The following PDCD1LG2 variants were observed in gnomAD, a reference collection of about 807,000 sequenced individuals.
The protein encoded by PDCD1LG2 is B7 dendritic cell molecule.
Under a neutral mutation model 28.2 loss-of-function variants are expected in PDCD1LG2, and 32 were observed. The ratio of observed to expected loss-of-function variants is 1.13; its 90% CI spans 0.86 to 1.52. The LOEUF is 1.52. Among genes scored for constraint, PDCD1LG2 ranks in the 40% most tolerant of loss-of-function variants. The pLI is 0.00. For missense variants in PDCD1LG2, 385 were observed against 323.8 expected (o/e 1.19, Z -1.45); for synonymous variants, 116 against 120.2 (o/e 0.97, Z 0.23).
In PDCD1LG2 at chr9:5,571,094, G is replaced by C. The variant is rs912467263; in HGVS notation, c.*1135G>C. The C allele has an allele frequency of 4.3e-6, 1 of 232,424 alleles. No homozygotes were observed. The allele number at this position is 232,424 out of a possible 1,614,324, so 14.4% of individuals were successfully genotyped here. A position where few individuals can be genotyped will look rare whatever the true frequency, so the allele number is the denominator to read the frequency against. Reference sequence around the variant, plus strand: ...TTAGCTAGTATAACAGACTTACATAGGTGGGCCTAAAGCAAGCTCCTTAAC... The same window carrying C: ...TTAGCTAGTATAACAGACTTACATACGTGGGCCTAAAGCAAGCTCCTTAAC... On this transcript the variant is annotated 3_prime_UTR_variant, in exon 7 of 7. Coordinates refer to ENST00000397747, the MANE Select transcript of PDCD1LG2 (RefSeq NM_025239.4).
intron 4 of PDCD1LG2, among the ~76,000 whole-genome samples, chr9:5,552,805 G>A (rs1031969990): frequency 2.0e-5 from 3 of 152,118 alleles, no homozygotes; most frequent in African/African-American, 7.2e-5. Context: ...TAGATGCACT[G>A]TCATCTCTCC....
In PDCD1LG2 at chr9:5,570,914, G is replaced by C; in HGVS notation, c.*955G>C. ...AAGTAGTCAAGGCCTTTGATAATTG[G>C]CACTATGGAAATCCTGCAAGATCCC... On this transcript the variant is annotated 3_prime_UTR_variant, in exon 7 of 7. Transcript: ENST00000397747. 1 of 232,700 alleles carries C rather than the reference G, an allele frequency of 4.3e-6. No homozygotes were observed. Among genetic ancestry groups the C allele is most frequent in the Non-Finnish European group, 8.5e-6 (1 of 117,720 alleles). 14.4% of individuals were successfully genotyped at this position (232,700 alleles called of 1,614,324 possible).
chr9:5,534,349 G>A (rs1334559009), intron 2 of PDCD1LG2, among the ~76,000 whole-genome samples: 1 of 152,184 alleles, frequency 6.6e-6, no homozygotes, highest in Admixed American at 6.5e-5. Flanking sequence ...TGATGGTAGG[G>A]AAGTCGAAAG....
At chr9:5,550,154 AT>A (rs1372830915) in intron 4 of PDCD1LG2, among the ~76,000 whole-genome samples, 1 of 152,208 alleles carries the variant, frequency 6.6e-6, no homozygotes, top group African/African-American at 2.4e-5. Flanking sequence ...CAGGATGAAT[AT>A]TCCTTTGCTG....
intron 2 of PDCD1LG2, 133 bp from the exon 3 acceptor site, chr9:5,534,612 C>G: frequency 1.3e-6 from 1 of 740,864 alleles, no homozygotes; most frequent in African/African-American, 1.8e-5. Flanking sequence ...AAAAAGGATT[C>G]GCCACGGGAA....
chr9:5,521,055 T>C lies in PDCD1LG2; in HGVS notation c.-14-1478T>C, dbSNP rs190431121. 4.3e-4 allele frequency among the ~76,000 whole-genome samples: 65 copies of C among 152,320 alleles called. 1 individual carries two copies. Among genetic ancestry groups the C allele is most frequent in the South Asian group, 8.3e-4 (4 of 4,828 alleles). ...CACAAAAAGGAACGCAGTGCTGATA[T>C]ATGCTACAATACAGATGAACCTTGA... On this transcript the variant is annotated intron_variant, in intron 1 of 6. Transcript: ENST00000397747.
At chr9:5,510,904 A>G (rs1308273401) in intron 1 of PDCD1LG2, 101 bp downstream of exon 1, 9 of 152,628 alleles carry the variant, frequency 5.9e-5, no homozygotes, top group Non-Finnish European at 1.2e-4. Flanking sequence ...TCTCCACACC[A>G]TTTGAGGCAA....
chr9:5,534,566 A>C (rs1820543218), intron 2 of PDCD1LG2, among the ~76,000 whole-genome samples, 179 bp from the exon 3 acceptor site: 1 of 152,168 alleles, frequency 6.6e-6, no homozygotes, highest in African/African-American at 2.4e-5. Context: ...GCGGGTCAAG[A>C]ATCCCACTCT....
At chr9:5,550,103 A>G (rs1378518668) in intron 4 of PDCD1LG2, among the ~76,000 whole-genome samples, 2 of 152,228 alleles carry the variant, frequency 1.3e-5, no homozygotes, top group Non-Finnish European at 2.9e-5. Context: ...ATCTAGTACA[A>G]TAGCTAATCA....
chr9:5,541,165 C>T lies in PDCD1LG2; in HGVS notation c.361+6115C>T, dbSNP rs975836169. ...AAAGCATTTGACAAAATCTAACATCCTTTATGATTAAAACCCTCAGCAAAA... is the reference window on the plus strand; with the variant it reads ...AAAGCATTTGACAAAATCTAACATCTTTTATGATTAAAACCCTCAGCAAAA... On this transcript the variant is annotated intron_variant, in intron 3 of 6. Coordinates refer to ENST00000397747, the MANE Select transcript of PDCD1LG2 (RefSeq NM_025239.4). Among the ~76,000 whole-genome samples, 25 of 152,172 alleles carry T rather than the reference C, an allele frequency of 1.6e-4. 1 individual carries two copies. Among genetic ancestry groups the T allele is most frequent in the African/African-American group, 5.8e-4 (24 of 41,434 alleles).
intron 1 of PDCD1LG2, 112 bp from the exon 2 acceptor site, chr9:5,522,421 T>C (rs1820292943): frequency 2.6e-6 from 2 of 759,740 alleles, no homozygotes; most frequent in East Asian, 5.3e-5. Context: ...TCTACCATGG[T>C]CTGTCACCTT....
Position 5,569,577 on chromosome 9 carries a change from A to C in PDCD1LG2, c.817-377A>C, listed in dbSNP as rs750257295. Among the ~76,000 whole-genome samples the C allele has an allele frequency of 3.9e-5, 6 of 152,224 alleles. No individual in the cohort carries two copies. The highest frequency in any genetic ancestry group is 1.4e-4 in the African/African-American group (6 of 41,462). On this transcript the variant is annotated intron_variant, in intron 6 of 6. Coordinates refer to ENST00000397747, the MANE Select transcript of PDCD1LG2 (RefSeq NM_025239.4). The surrounding 1 kb of genome is among the most constrained non-coding windows in gnomAD (Gnocchi z 4.1). ...GCAGTCTGCAATGTCATCATCCTGGAGCATGAATAGAGTGCAGCAGGGTGA... is the reference window on the plus strand; with the variant it reads ...GCAGTCTGCAATGTCATCATCCTGGCGCATGAATAGAGTGCAGCAGGGTGA...
At chr9:5,514,651 G>A (rs1428453289) in intron 1 of PDCD1LG2, among the ~76,000 whole-genome samples, 1 of 151,934 alleles carries the variant, frequency 6.6e-6, no homozygotes, top group Non-Finnish European at 1.5e-5. Context: ...TGGGGCAGGA[G>A]GATCACTTGA....
chr9:5,525,352 A>G (rs1367696990), intron 2 of PDCD1LG2, among the ~76,000 whole-genome samples: 1 of 151,690 alleles, frequency 6.6e-6, no homozygotes, highest in African/African-American at 2.4e-5. Flanking sequence ...TTAAAAAAAA[A>G]AAAAAAGAAA....
At chr9:5,520,646 T>A (rs1346830157) in intron 1 of PDCD1LG2, among the ~76,000 whole-genome samples, 1 of 152,212 alleles carries the variant, frequency 6.6e-6, no homozygotes, top group East Asian at 1.9e-4. Flanking sequence ...GTAGATAAAT[T>A]GGATTTTTTT....
At chr9:5,543,217 A>G (rs1820720646) in intron 3 of PDCD1LG2, among the ~76,000 whole-genome samples, 1 of 152,070 alleles carries the variant, frequency 6.6e-6, no homozygotes, top group Non-Finnish European at 1.5e-5. Flanking sequence ...GACTTAGGGG[A>G]AAGGATGGTT....
intron 3 of PDCD1LG2, among the ~76,000 whole-genome samples, chr9:5,537,431 T>C (rs890387118): frequency 6.6e-6 from 1 of 152,210 alleles, no homozygotes. Flanking sequence ...TTATCAATAT[T>C]CATAACATTT....
At chr9:5,534,330 C>G (rs1260400841) in intron 2 of PDCD1LG2, among the ~76,000 whole-genome samples, 1 of 152,154 alleles carries the variant, frequency 6.6e-6, no homozygotes, top group African/African-American at 2.4e-5. Flanking sequence ...GTAACATGAG[C>G]TCAGACCTTG....
intron 4 of PDCD1LG2, among the ~76,000 whole-genome samples, chr9:5,552,862 A>G (rs557321229): frequency 3.0e-4 from 45 of 152,322 alleles, no homozygotes; most frequent in Non-Finnish European, 5.6e-4. Context: ...CCCAATGCCA[A>G]CACTAAAGTT....
Sources: gnomAD v4.1 joint callset for allele counts (sites outside exome capture counted in the v4.1 genomes callset) on GRCh38, gnomAD v4.1.1 for gene constraint, Gnocchi (gnomAD v3.1) non-coding constraint, MANE v1.5 for transcripts, NCBI Gene and HGNC (gene_info 2026-07-23, HGNC 2026-07-21) for gene names.